The following HS6ST3 variants were observed in gnomAD, a reference collection of about 807,000 sequenced individuals.
HS6ST3 encodes heparan-sulfate 6-O-sulfotransferase 3.
HS6ST3 carries 12 observed loss-of-function variants against 36.7 expected under a neutral mutation model. The observed-to-expected ratio is 0.33, with a 90% CI of 0.21 to 0.53. HS6ST3 has a LOEUF of 0.53. Ranked by LOEUF, HS6ST3 falls within the 20% of genes least tolerant of loss-of-function variation. The pLI, the probability that HS6ST3 is intolerant of heterozygous loss-of-function variation, is 0.95. For synonymous variants in HS6ST3, 240 were observed against 257.5 expected (o/e 0.93, Z 0.65); for missense variants, 584 against 640.9 (o/e 0.91, Z 0.96).
chr13:96,442,839 C>G (rs750004377), intron 1 of HS6ST3, among the ~76,000 whole-genome samples: 6 of 147,188 alleles, frequency 4.1e-5, no homozygotes, highest in Non-Finnish European at 7.5e-5. Context: ...AAAAAACAAA[C>G]CAAAAAACCC....
chr13:96,566,489 G>A (rs1242512390), intron 1 of HS6ST3, among the ~76,000 whole-genome samples: 3 of 151,996 alleles, frequency 2.0e-5, no homozygotes, highest in East Asian at 1.9e-4. Flanking sequence ...TTTGACTCTA[G>A]TAGAAACTCT....
chr13:96,568,051 A>C (rs2056288004), intron 1 of HS6ST3, among the ~76,000 whole-genome samples: 1 of 152,214 alleles, frequency 6.6e-6, no homozygotes, highest in Non-Finnish European at 1.5e-5. Context: ...TTTGGAAAGT[A>C]ATTTGGCAGC....
At chr13:96,317,184 T>G (rs2054974195) in intron 1 of HS6ST3, among the ~76,000 whole-genome samples, 1 of 151,540 alleles carries the variant, frequency 6.6e-6, no homozygotes, top group Non-Finnish European at 1.5e-5. Flanking sequence ...TATTCAATAT[T>G]TAGCTCCCAT....
Position 96,837,717 on chromosome 13 carries a change from G to C in HS6ST3, c.*4519G>C, listed in dbSNP as rs1367817144. ...GCAGGGGAGACCAAAACTCAGAGGA[G>C]GCATTCAAACACTTCTAGCAGGTTG... On this transcript the variant is annotated 3_prime_UTR_variant, in exon 2 of 2. Transcript: ENST00000376705. The C allele has an allele frequency of 6.6e-6, 1 of 151,946 alleles. No individual in the cohort carries two copies. The highest frequency in any genetic ancestry group is 2.4e-5 in the African/African-American group (1 of 41,352). The allele number at this position is 151,946 out of a possible 1,614,324, so 9.4% of individuals were successfully genotyped here.
chr13:96,200,764 C>T (rs947589053), intron 1 of HS6ST3, among the ~76,000 whole-genome samples: 1 of 152,206 alleles, frequency 6.6e-6, no homozygotes, highest in Non-Finnish European at 1.5e-5. Flanking sequence ...TGGATGGCTA[C>T]AGAATATACC....
intron 1 of HS6ST3, among the ~76,000 whole-genome samples, chr13:96,261,314 T>TTA (rs1208109682): frequency 2.7e-5 from 4 of 149,956 alleles, no homozygotes; most frequent in Admixed American, 6.7e-5. Context: ...GTGAATGATT[T>TTA]TATATATATA....
intron 1 of HS6ST3, among the ~76,000 whole-genome samples, chr13:96,612,894 A>C (rs1160604342): frequency 6.6e-6 from 1 of 152,162 alleles, no homozygotes; most frequent in Non-Finnish European, 1.5e-5. Flanking sequence ...GCTTTGCTTC[A>C]TGGGGGCGAG....
At chr13:96,593,042 C>G (rs920949137) in intron 1 of HS6ST3, among the ~76,000 whole-genome samples, 1 of 151,996 alleles carries the variant, frequency 6.6e-6, no homozygotes, top group African/African-American at 2.4e-5. Flanking sequence ...ACTTCTTTCT[C>G]TACCTCCTCT....
intron 1 of HS6ST3, among the ~76,000 whole-genome samples, chr13:96,781,809 T>G (rs763882591): frequency 6.6e-6 from 1 of 152,212 alleles, no homozygotes; most frequent in Non-Finnish European, 1.5e-5. Context: ...CAAGAGATGA[T>G]CATGTTTAGC....
intron 1 of HS6ST3, among the ~76,000 whole-genome samples, chr13:96,230,538 C>T (rs1019389888): frequency 6.6e-6 from 1 of 151,950 alleles, no homozygotes; most frequent in African/African-American, 2.4e-5. Flanking sequence ...TAGTCAAAGC[C>T]TTGGGAGCTG....
intron 1 of HS6ST3, among the ~76,000 whole-genome samples, chr13:96,679,317 T>A (rs1320883434): frequency 6.6e-6 from 1 of 151,654 alleles, no homozygotes; most frequent in Admixed American, 6.6e-5. Flanking sequence ...TAATTAACAA[T>A]ATGAGACTTG....
intron 1 of HS6ST3, among the ~76,000 whole-genome samples, chr13:96,564,399 G>T (rs952961036): frequency 6.6e-6 from 1 of 152,252 alleles, no homozygotes; most frequent in East Asian, 1.9e-4. Context: ...TACCAAAGAT[G>T]AAGTTCTGTT....
intron 1 of HS6ST3, among the ~76,000 whole-genome samples, chr13:96,336,727 A>G (rs191092052): frequency 3.2e-4 from 48 of 152,354 alleles, no homozygotes; most frequent in Admixed American, 1.7e-3. Context: ...TGTGATATTT[A>G]TTACGGTAGC....
At chr13:96,580,035 A>G (rs562151128) in intron 1 of HS6ST3, among the ~76,000 whole-genome samples, 27 of 152,122 alleles carry the variant, frequency 1.8e-4, no homozygotes, top group African/African-American at 6.3e-4. Flanking sequence ...TATTTACTAT[A>G]TAATACCTTA....
intron 1 of HS6ST3, among the ~76,000 whole-genome samples, chr13:96,421,231 C>T (rs974104745): frequency 6.6e-6 from 1 of 151,978 alleles, no homozygotes; most frequent in African/African-American, 2.4e-5. Context: ...TTGTATAGTT[C>T]ACTGTAAAAA....
At chr13:96,236,642 C>T (rs1263277388) in intron 1 of HS6ST3, among the ~76,000 whole-genome samples, 1 of 152,160 alleles carries the variant, frequency 6.6e-6, no homozygotes, top group Admixed American at 6.5e-5. Flanking sequence ...TGCCAGCACT[C>T]AAGCAGCTGA....
intron 1 of HS6ST3, among the ~76,000 whole-genome samples, chr13:96,171,476 C>T (rs1381777740): frequency 6.6e-6 from 1 of 152,114 alleles, no homozygotes; most frequent in African/African-American, 2.4e-5. Flanking sequence ...TCAGGCCTCT[C>T]GGGTTATCGG....
intron 1 of HS6ST3, among the ~76,000 whole-genome samples, chr13:96,615,589 G>A (rs922376641): frequency 6.6e-6 from 1 of 152,188 alleles, no homozygotes; most frequent in South Asian, 2.1e-4. Flanking sequence ...GAAGGGAAGA[G>A]ACAAAATCAT....
At chr13:96,334,797 C>T (rs2055091855) in intron 1 of HS6ST3, among the ~76,000 whole-genome samples, 1 of 152,180 alleles carries the variant, frequency 6.6e-6, no homozygotes, top group Admixed American at 6.5e-5. Flanking sequence ...ATGGGAGCTA[C>T]AATTCAAGAT....
Sources: allele counts gnomAD v4.1 joint callset (sites outside exome capture counted in the v4.1 genomes callset), GRCh38; gene constraint gnomAD v4.1.1; transcripts MANE v1.5; gene names NCBI Gene and HGNC (gene_info 2026-07-23, HGNC 2026-07-21).